The following KLRG1 variants were observed in gnomAD, a reference collection of about 807,000 sequenced individuals.
KLRG1 encodes the protein killer cell lectin-like receptor subfamily G member 1.
Under a neutral mutation model 21.8 loss-of-function variants are expected in KLRG1, and 16 were observed. The observed-to-expected ratio is 0.73, with a 90% confidence interval of 0.50 to 1.11. KLRG1 has a LOEUF of 1.11. KLRG1 is among the 50% of genes most tolerant of loss of function. The pLI is 0.00. For synonymous variants in KLRG1, 69 were observed against 75.9 expected, an observed-to-expected ratio of 0.91 and a Z score of 0.47; for missense variants, 173 against 218.3, an observed-to-expected ratio of 0.79 and a Z score of 1.31.
At chr12:9,077,371 A>C in the KLRG1 span, 1 of 1,613,678 alleles carries the variant, frequency 6.2e-7, no homozygotes, top group Non-Finnish European at 8.5e-7. Context: ...AATCTCCAGA[A>C]GGGCGATGGT....
At chr12:9,055,472 T>C in the KLRG1 span, 1 of 152,230 alleles carries the variant, frequency 6.6e-6, no homozygotes, top group Non-Finnish European at 1.5e-5. Context: ...AAATTTATGC[T>C]AGGTGCTCTT....
At chr12:8,962,808 G>T (rs1218090416) in intron 1 of KLRG1, among the ~76,000 whole-genome samples, 1 of 151,864 alleles carries the variant, frequency 6.6e-6, no homozygotes, top group African/African-American at 2.4e-5. Context: ...CCCCAACCCT[G>T]AAAAGATCAG....
In KLRG1 at chr12:8,995,151, A is replaced by G; in HGVS notation, c.220A>G (p.Ser74Gly). The G allele has an allele frequency of 6.2e-7, 1 of 1,612,068 alleles. No homozygotes were observed. The highest frequency in any genetic ancestry group is 8.5e-7 in the Non-Finnish European group (1 of 1,179,184). Residue 74 changes from serine (S) to glycine (G), a missense_variant, in exon 3 of 5, where the codon AGC (serine) becomes GGC (glycine). Physicochemically the swap from Ser to Gly is moderately conservative, Grantham distance 56. Transcript: ENST00000356986. ...CTACTCCACTTGTGCCAGCTGTCCT[A>G]GCTGCCCAGACCGCTGGATGAAATA... ...SNYSTCASCPSCPDRWMKYGN... is the reference protein window; with the variant it reads ...SNYSTCASCPGCPDRWMKYGN...
chr12:8,962,149 A>T (rs901536040), intron 1 of KLRG1, among the ~76,000 whole-genome samples: 10 of 152,116 alleles, frequency 6.6e-5, no homozygotes, highest in African/African-American at 1.9e-4. Context: ...AATTAATAGA[A>T]AGAGACCCAG....
the KLRG1 span, chr12:9,200,910 A>G: frequency 5.6e-6 from 9 of 1,612,566 alleles, no homozygotes; most frequent in Non-Finnish European, 7.6e-6. Flanking sequence ...TCCACGGTGA[A>G]GGGGTGCTGT....
the KLRG1 span, among the ~76,000 whole-genome samples, chr12:9,168,265 C>T: frequency 6.8e-3 from 1,040 of 152,200 alleles, 12 homozygotes; most frequent in African/African-American, 0.024. Flanking sequence ...GATTTCCAAT[C>T]CGAGCATATA....
intron 3 of KLRG1, among the ~76,000 whole-genome samples, chr12:9,001,987 A>AT (rs1185781694): frequency 4.6e-5 from 7 of 152,114 alleles, no homozygotes; most frequent in Middle Eastern, 6.8e-3. Flanking sequence ...ATTTTATTTT[A>AT]TTTTTTATTT....
At chr12:9,036,751 T>G in the KLRG1 span, 1 of 373,498 alleles carries the variant, frequency 2.7e-6, no homozygotes, top group Non-Finnish European at 5.3e-6. Flanking sequence ...TGCATAAACC[T>G]TGCTTGTGAT....
chr12:9,062,603 A>T, the KLRG1 span, among the ~76,000 whole-genome samples: 4 of 146,930 alleles, frequency 2.7e-5, no homozygotes, highest in South Asian at 8.4e-4. Context: ...CATAATAAAT[A>T]CATTGTATTA....
the KLRG1 span, chr12:9,153,261 A>G: frequency 1.2e-6 from 2 of 1,614,020 alleles, no homozygotes; most frequent in African/African-American, 1.3e-5. Flanking sequence ...TGAATCCTGA[A>G]CGGTGACCTG....
chr12:9,209,986 C>T, the KLRG1 span, among the ~76,000 whole-genome samples: 2 of 152,066 alleles, frequency 1.3e-5, no homozygotes, highest in Admixed American at 1.3e-4. Flanking sequence ...ATTTTGGATT[C>T]TTCATAGTTT....
the KLRG1 span, among the ~76,000 whole-genome samples, chr12:9,042,480 C>T: frequency 6.6e-6 from 1 of 152,176 alleles, no homozygotes; most frequent in Non-Finnish European, 1.5e-5. Context: ...TGAACCCTCT[C>T]AGCTAGGCAA....
chr12:9,158,664 TG>T, the KLRG1 span: 1 of 1,342,002 alleles, frequency 7.5e-7, no homozygotes, highest in African/African-American at 1.5e-5. Context: ...CCCATCACAG[TG>T]TGCACCCAAG....
chr12:9,030,653 G>GCCT, the KLRG1 span, among the ~76,000 whole-genome samples: 8 of 152,186 alleles, frequency 5.3e-5, no homozygotes, highest in Admixed American at 4.6e-4. Flanking sequence ...TGATCTGCCC[G>GCCT]CCTCGGCCTC....
chr12:9,129,940 ACT>A, the KLRG1 span, among the ~76,000 whole-genome samples: 1 of 152,176 alleles, frequency 6.6e-6, no homozygotes, highest in Non-Finnish European at 1.5e-5. Context: ...CAAATCTGAA[ACT>A]CTATAACTAC....
chr12:9,122,264 A>G, the KLRG1 span, among the ~76,000 whole-genome samples: 2 of 152,226 alleles, frequency 1.3e-5, no homozygotes, highest in African/African-American at 4.8e-5. Flanking sequence ...TGATGAACAG[A>G]AAATAAGTGT....
chr12:9,190,642 T>C, the KLRG1 span, among the ~76,000 whole-genome samples: 1 of 152,106 alleles, frequency 6.6e-6, no homozygotes, highest in African/African-American at 2.4e-5. Context: ...ACAAACCCCA[T>C]GACACGAGTT....
the KLRG1 span, chr12:9,167,403 C>T: frequency 6.6e-6 from 1 of 152,174 alleles, no homozygotes; most frequent in Non-Finnish European, 1.5e-5. Flanking sequence ...ACCCAAGACC[C>T]TGGTGGCATG....
the KLRG1 span, among the ~76,000 whole-genome samples, chr12:9,026,949 G>A: frequency 6.6e-6 from 1 of 151,688 alleles, no homozygotes; most frequent in African/African-American, 2.4e-5. Flanking sequence ...TCGACCTCTT[G>A]TGCTCAAGTG....
Sources: allele counts gnomAD v4.1 joint callset (sites outside exome capture counted in the v4.1 genomes callset), GRCh38; gene constraint gnomAD v4.1.1; transcripts MANE v1.5; gene names NCBI Gene and HGNC (gene_info 2026-07-23, HGNC 2026-07-21).